SVEP1: variants seen among roughly 807,000 people sequenced by gnomAD.
The protein encoded by SVEP1 is sushi, von Willebrand factor type A, EGF and pentraxin domain-containing protein 1.
A neutral mutation model predicts 367.3 loss-of-function variants in SVEP1; 164 were observed. The ratio of observed to expected loss-of-function variants is 0.45; its 90% CI spans 0.39 to 0.51. The LOEUF is 0.51. Ranked by LOEUF, SVEP1 falls within the 20% of genes least tolerant of loss-of-function variation. SVEP1 has a pLI of 0.00. For missense variants in SVEP1, 4,117 were observed against 4,425.3 expected, an observed-to-expected ratio of 0.93 and a Z score of 1.98; for synonymous variants, 1,666 against 1,611.6, an observed-to-expected ratio of 1.03 and a Z score of -0.81.
At chr9:110,544,836 C>T (rs1392558242) in intron 3 of SVEP1, among the ~76,000 whole-genome samples, 1 of 143,406 alleles carries the variant, frequency 7.0e-6, no homozygotes, top group African/African-American at 2.5e-5. Flanking sequence ...ACTATAGTCA[C>T]CCTACAGTGT....
chr9:110,378,845 G>A (rs1419147264), intron 44 of SVEP1, among the ~76,000 whole-genome samples: 1 of 151,596 alleles, frequency 6.6e-6, no homozygotes, highest in Non-Finnish European at 1.5e-5. Flanking sequence ...ACACCAACAT[G>A]GCACATGTAG....
intron 40 of SVEP1, among the ~76,000 whole-genome samples, chr9:110,394,500 G>A (rs939735059): frequency 1.2e-4 from 18 of 152,222 alleles, no homozygotes; most frequent in African/African-American, 4.3e-4. Context: ...AAGCTGGACA[G>A]AGAATGACTT....
At chr9:110,429,843 CCT>C in intron 34 of SVEP1, 75 bp downstream of exon 34, 2 of 1,210,312 alleles carry the variant, frequency 1.7e-6, no homozygotes, top group Non-Finnish European at 2.4e-6. Flanking sequence ...TTTCCCACCC[CCT>C]TTCTTTCAGT....
intron 21 of SVEP1, 108 bp downstream of exon 21, chr9:110,457,148 G>GCCAAA: frequency 1.1e-6 from 1 of 882,450 alleles, no homozygotes; most frequent in East Asian, 2.9e-5. Context: ...CATTTACATG[G>GCCAAA]TCTAATGTAT....
intron 13 of SVEP1, among the ~76,000 whole-genome samples, chr9:110,476,921 C>T (rs1829105390): frequency 6.6e-6 from 1 of 152,148 alleles, no homozygotes; most frequent in Admixed American, 6.5e-5. Context: ...AGTTCTGAAG[C>T]TCATGCTGTC....
At position 110,499,110 on chromosome 9, in the gene SVEP1, C is replaced by G. The variant is rs773636782; in HGVS notation, c.1612G>C (p.Val538Leu). Residue 538 changes from valine (V) to leucine (L), a missense_variant, in exon 7 of 48, where the codon GTC becomes CTC. Coordinates refer to ENST00000374469, the MANE Select transcript of SVEP1 (RefSeq NM_153366.4). Reference protein sequence around the residue: ...SCRQGFILSGVKEMLRCTTSG... With the variant: ...SCRQGFILSGLKEMLRCTTSG... ...GTGGTACATCTCAGCATTTCTTTGACTCCAGATAAAATGAACCCTTGGCGG... is the reference window on the plus strand; with the variant it reads ...GTGGTACATCTCAGCATTTCTTTGAGTCCAGATAAAATGAACCCTTGGCGG... 6.2e-7 allele frequency: 1 copy of G among 1,613,798 alleles called. No individual in the cohort carries two copies. Among genetic ancestry groups the G allele is most frequent in the Non-Finnish European group, 8.5e-7 (1 of 1,179,820 alleles).
chr9:110,577,506 C>A lies in SVEP1; in HGVS notation c.531+1507G>T, dbSNP rs1588115915. ...AATAAATTCCAGATGGATTAAGCTG[C>A]TACATGGAAAACTATTTCTCTGATT... On this transcript the variant is annotated intron_variant, in intron 1 of 47. Coordinates refer to ENST00000374469, the MANE Select transcript of SVEP1 (RefSeq NM_153366.4). 2.0e-5 allele frequency among the ~76,000 whole-genome samples: 3 copies of A among 152,116 alleles called. No homozygotes were observed. In the South Asian group the frequency reaches 6.2e-4, roughly 32 times the overall value.
chr9:110,486,662 T>G (rs1321195368), intron 9 of SVEP1, among the ~76,000 whole-genome samples: 1 of 151,878 alleles, frequency 6.6e-6, no homozygotes. Flanking sequence ...TCTCTTTTTT[T>G]TTTTAGATGG....
At chr9:110,486,844 C>T (rs1251654033) in intron 9 of SVEP1, among the ~76,000 whole-genome samples, 4 of 152,002 alleles carry the variant, frequency 2.6e-5, no homozygotes, top group African/African-American at 7.3e-5. Flanking sequence ...AGGGTTTCAA[C>T]ATGTTGGCCA....
intron 47 of SVEP1, 138 bp from the exon 48 acceptor site, chr9:110,366,698 T>A (rs1478173479): frequency 1.4e-6 from 1 of 731,242 alleles, no homozygotes; most frequent in Non-Finnish European, 2.1e-6. Flanking sequence ...TTTATACGGA[T>A]GGGGGTCATT....
At chr9:110,555,636 A>T (rs1319785992) in intron 1 of SVEP1, among the ~76,000 whole-genome samples, 2 of 152,196 alleles carry the variant, frequency 1.3e-5, no homozygotes, top group Non-Finnish European at 2.9e-5. Context: ...CTCTTTTTAC[A>T]GAGAACTGGT....
chr9:110,478,686 G>A (rs1829139160), intron 13 of SVEP1, among the ~76,000 whole-genome samples: 1 of 152,094 alleles, frequency 6.6e-6, no homozygotes, highest in African/African-American at 2.4e-5. Context: ...TTGGAATTTG[G>A]TTTTATTGAA....
intron 13 of SVEP1, among the ~76,000 whole-genome samples, 158 bp downstream of exon 13, chr9:110,479,477 T>C (rs73655368): frequency 0.028 from 4,289 of 152,302 alleles, 193 homozygotes; most frequent in African/African-American, 0.098. Context: ...CTAAGTCATT[T>C]TAGAAGTTCA....
chr9:110,429,122 G>C, intron 35 of SVEP1, 21 bp downstream of exon 35: 3 of 1,525,348 alleles, frequency 2.0e-6, no homozygotes, highest in Non-Finnish European at 2.6e-6. Context: ...AGAAAGCTTG[G>C]TTGGTGTCTA....
At position 110,401,005 on chromosome 9, in the gene SVEP1, T is replaced by A. The variant is rs189569362; in HGVS notation, c.9671A>T (p.Asp3224Val). The A allele has an allele frequency of 1.3e-4, 214 of 1,613,368 alleles. No individual in the cohort carries two copies. The highest frequency in any genetic ancestry group is 1.7e-4 in the Non-Finnish European group (206 of 1,179,732). The stretch of plus-strand genomic sequence containing the variant: ...GGAGAATGGTGGCTCCCAGGTTCCA[T>A]CAAGCTAAGTGACAAATAACAAAAT... ...EGVNISVCQL[D>V]GTWEPPFSDE... The change falls in exon 40 of 48, where the codon GAT becomes GTT. Residue 3224 changes from aspartate (D) to valine (V), a missense_variant. Coordinates refer to ENST00000374469, the MANE Select transcript of SVEP1 (RefSeq NM_153366.4).
At chr9:110,471,334 A>C (rs770142606) in intron 16 of SVEP1, 30 bp downstream of exon 16, 3 of 1,593,416 alleles carry the variant, frequency 1.9e-6, no homozygotes, top group Non-Finnish European at 2.6e-6. Flanking sequence ...GTATGCACCA[A>C]ATATTTTTGA....
intron 47 of SVEP1, 104 bp downstream of exon 47, chr9:110,369,819 C>T: frequency 1.1e-6 from 1 of 892,210 alleles, no homozygotes; most frequent in Non-Finnish European, 1.7e-6. Flanking sequence ...ATACAAAATA[C>T]TTACAGTCAA....
intron 44 of SVEP1, among the ~76,000 whole-genome samples, chr9:110,378,369 CCT>C (rs1827384204): frequency 6.6e-6 from 1 of 152,106 alleles, no homozygotes; most frequent in African/African-American, 2.4e-5. Flanking sequence ...TGCAATAGCC[CCT>C]GTTTCTTTTG....
chr9:110,407,387 G>A lies in SVEP1; in HGVS notation c.8213C>T (p.Ala2738Val). The stretch of plus-strand genomic sequence containing the variant: ...TCCAGGTTTACAGCTATACTGCACA[G>A]CACTTCCCATGCTAGTCTCTGTAAA... The part of the protein sequence containing the change: ...LRFTETSMGS[A>V]VQYSCKPGHI... The change falls in exon 38 of 48, where the codon GCT (alanine) becomes GTT (valine). Residue 2738 changes from alanine (A) to valine (V), a missense_variant. Physicochemically the swap from Ala to Val is moderately conservative, Grantham distance 64 (BLOSUM62 0). Transcript: ENST00000374469. The A allele has an allele frequency of 6.2e-7, 1 of 1,614,006 alleles. No individual in the cohort carries two copies. Among genetic ancestry groups the A allele is most frequent in the African/African-American group, 1.3e-5 (1 of 75,042 alleles).
Sources: allele counts gnomAD v4.1 joint callset (sites outside exome capture counted in the v4.1 genomes callset), GRCh38; gene constraint gnomAD v4.1.1; transcripts MANE v1.5; gene names NCBI Gene and HGNC (gene_info 2026-07-23, HGNC 2026-07-21).